The following ZNF589 variants were observed in gnomAD, a reference collection of about 807,000 sequenced individuals.
ZNF589 encodes the protein zinc finger protein 589, also known as KRAB-zinc finger protein SZF1-1.
In ZNF589, 17 loss-of-function variants were observed where a neutral mutation model predicts 13.6. The observed-to-expected ratio is 1.25, with a 90% CI of 0.86 to 1.88. The LOEUF (loss-of-function observed/expected upper bound fraction) is 1.88. Ranked by LOEUF, ZNF589 falls within the 40% of genes most tolerant of loss-of-function variation. ZNF589 has a pLI of 0.00. For missense variants in ZNF589, 407 were observed against 434.0 expected (o/e 0.94, Z 0.55); for synonymous variants, 148 against 161.6 (o/e 0.92, Z 0.64).
intron 3 of ZNF589, among the ~76,000 whole-genome samples, chr3:48,261,785 C>G (rs1262026942): frequency 1.3e-5 from 2 of 152,186 alleles, no homozygotes; most frequent in African/African-American, 4.8e-5. Context: ...CTATTTTGCA[C>G]TGCTTTAATC....
At chr3:48,244,453 A>C (rs1265941437) in intron 1 of ZNF589, among the ~76,000 whole-genome samples, 1 of 152,134 alleles carries the variant, frequency 6.6e-6, no homozygotes, top group South Asian at 2.1e-4. Context: ...TTAATTTTAA[A>C]ATGCTGCTCC....
chr3:48,265,955 A>G (rs909467106), intron 3 of ZNF589, among the ~76,000 whole-genome samples: 1 of 152,190 alleles, frequency 6.6e-6, no homozygotes, highest in Non-Finnish European at 1.5e-5. Flanking sequence ...CATAAAGACC[A>G]AATGTAATGC....
intron 2 of ZNF589, among the ~76,000 whole-genome samples, chr3:48,251,196 G>A (rs1159099572): frequency 2.0e-5 from 3 of 152,150 alleles, no homozygotes; most frequent in Non-Finnish European, 2.9e-5. Context: ...TTTTCATTGA[G>A]GCAGAGTGGA....
chr3:48,268,264 A>T lies in ZNF589; in HGVS notation c.573A>T (p.Pro191=), dbSNP rs558895789. The T allele has an allele frequency of 4.0e-5, 65 of 1,610,262 alleles. No individual in the cohort carries two copies. The highest frequency in any genetic ancestry group is 5.3e-5 in the Non-Finnish European group (63 of 1,177,836). ...GNRILEIQLS[P]AQNASSEEVD... ...GAATATTAGAGATACAGCTCAGTCC[A>T]GCCCAGAATGCAAGCTCTGAGGAAG... The change falls in exon 4 of 4, where the codon CCA becomes CCT. Residue 191 remains proline (P), a synonymous_variant. Transcript: ENST00000354698.
At position 48,250,517 on chromosome 3, in the gene ZNF589, G is replaced by A. The variant is rs145892377; in HGVS notation, c.96+2840G>A. ...GACAGAATCTCCCTCTGTTGCCCAC[G>A]CTGGAGTACAGTGATACGATCTTGG... On this transcript the variant is annotated intron_variant, in intron 2 of 3. Transcript: ENST00000354698. Among the ~76,000 whole-genome samples the A allele has an allele frequency of 6.6e-5, 10 of 150,862 alleles. 1 individual carries two copies. The highest frequency in any genetic ancestry group is 4.6e-4 in the Admixed American group (7 of 15,158).
Position 48,270,523 on chromosome 3 carries a change from C to T in ZNF589, c.*1737C>T, listed in dbSNP as rs2034078845. On this transcript the variant is annotated 3_prime_UTR_variant, in exon 4 of 4. Transcript: ENST00000354698. ...TAGCCATTTGTCTCTCCTCACACTC[C>T]AGGGCCCATATGGCCCAGGTTCTGA... 10 of 344,678 alleles carry T rather than the reference C, an allele frequency of 2.9e-5. No homozygotes were observed. Among genetic ancestry groups the T allele is most frequent in the South Asian group, 2.3e-4 (10 of 42,874 alleles). The allele number at this position is 344,678 out of a possible 1,614,324, so 21.4% of individuals were successfully genotyped here. A position where few individuals can be genotyped will look rare whatever the true frequency, so the allele number is the denominator to read the frequency against.
chr3:48,241,395 TCTCCAC>T (rs141578968), intron 1 of ZNF589, among the ~76,000 whole-genome samples, 181 bp downstream of exon 1: 8,865 of 152,234 alleles, frequency 0.058, 346 homozygotes, highest in East Asian at 0.13. Flanking sequence ...TCCCGTACAG[TCTCCAC>T]GGTGCTCACT....
intron 1 of ZNF589, among the ~76,000 whole-genome samples, 171 bp from the exon 2 acceptor site, chr3:48,247,454 C>T (rs1352915329): frequency 6.6e-6 from 1 of 151,842 alleles, no homozygotes; most frequent in Non-Finnish European, 1.5e-5. Context: ...GGAAGTGGTG[C>T]AGAGCATAGA....
At chr3:48,266,714 C>G (rs553051722) in intron 3 of ZNF589, among the ~76,000 whole-genome samples, 1 of 152,298 alleles carries the variant, frequency 6.6e-6, no homozygotes, top group East Asian at 1.9e-4. Flanking sequence ...ACACTGCACT[C>G]CATTTTTACT....
chr3:48,246,012 C>T (rs1373612261), intron 1 of ZNF589, among the ~76,000 whole-genome samples: 1 of 151,756 alleles, frequency 6.6e-6, no homozygotes, highest in East Asian at 1.9e-4. Flanking sequence ...AAAATCTTAC[C>T]TTTTAAAATT....
At chr3:48,251,935 A>T (rs191703663) in intron 2 of ZNF589, among the ~76,000 whole-genome samples, 42 of 151,992 alleles carry the variant, frequency 2.8e-4, no homozygotes, top group East Asian at 2.3e-3. Flanking sequence ...GCTATGTGGG[A>T]GGCTGAGGTA....
chr3:48,270,709 C>G lies in ZNF589; in HGVS notation c.*1923C>G, dbSNP rs1003823266. ...GAGATGTTCATGTAACCTCAAAATA[C>G]TTAGGCTTGGTTTTGATGCTAGAGA... is the stretch of plus-strand genomic sequence containing the variant. On this transcript the variant is annotated 3_prime_UTR_variant, in exon 4 of 4. Coordinates refer to ENST00000354698, the MANE Select transcript of ZNF589 (RefSeq NM_016089.3). 2.3e-5 allele frequency: 4 copies of G among 172,750 alleles called. No homozygotes were observed. The highest frequency in any genetic ancestry group is 2.2e-4 in the Admixed American group (4 of 17,934). The allele number at this position is 172,750 out of a possible 1,614,324, so 10.7% of individuals were successfully genotyped here.
chr3:48,269,965 A>G lies in ZNF589; in HGVS notation c.*1179A>G. On this transcript the variant is annotated 3_prime_UTR_variant, in exon 4 of 4. Transcript: ENST00000354698. ...CTCTTGTTCTAAGAGCTTTGGGGAC[A>G]GTCTTTTGACCCCTTACATTCCTTT... 2.2e-6 allele frequency: 1 copy of G among 449,560 alleles called. No homozygotes were observed. Among genetic ancestry groups the G allele is most frequent in the South Asian group, 1.6e-5 (1 of 63,770 alleles). The allele number at this position is 449,560 out of a possible 1,614,324, so 27.8% of individuals were successfully genotyped here.
At chr3:48,251,754 A>G (rs1287950334) in intron 2 of ZNF589, among the ~76,000 whole-genome samples, 1 of 151,942 alleles carries the variant, frequency 6.6e-6, no homozygotes, top group Non-Finnish European at 1.5e-5. Context: ...TTAAAAATCA[A>G]TTGTGGGGCC....
intron 1 of ZNF589, among the ~76,000 whole-genome samples, chr3:48,246,349 A>G (rs1207712699): frequency 6.6e-6 from 1 of 152,236 alleles, no homozygotes; most frequent in East Asian, 1.9e-4. Context: ...TTGAAGAGGA[A>G]TGAGAGTCTG....
At chr3:48,251,812 G>A (rs1414883755) in intron 2 of ZNF589, among the ~76,000 whole-genome samples, 2 of 151,940 alleles carry the variant, frequency 1.3e-5, no homozygotes, top group African/African-American at 4.8e-5. Context: ...GGAGGTCAAG[G>A]CAGGTGGATC....
chr3:48,252,279 C>T (rs978798076), intron 2 of ZNF589, among the ~76,000 whole-genome samples: 6 of 151,866 alleles, frequency 4.0e-5, no homozygotes, highest in African/African-American at 1.5e-4. Context: ...GCAACCTCCA[C>T]CTCCTGGGTT....
In ZNF589 at chr3:48,269,861, A is replaced by G; in HGVS notation, c.*1075A>G. 2.7e-6 allele frequency: 1 copy of G among 365,696 alleles called. No individual in the cohort carries two copies. The highest frequency in any genetic ancestry group is 7.2e-5 in the East Asian group (1 of 13,800). 22.7% of individuals were successfully genotyped at this position (365,696 alleles called of 1,614,324 possible). The stretch of plus-strand genomic sequence containing the variant: ...ACACACTCGGGAGAAACCTTCATGG[A>G]GTGAGAGTAAGGTGTTGGCTGGAAG... On this transcript the variant is annotated 3_prime_UTR_variant, in exon 4 of 4. Coordinates refer to ENST00000354698, the MANE Select transcript of ZNF589 (RefSeq NM_016089.3).
intron 3 of ZNF589, 135 bp from the exon 4 acceptor site, chr3:48,267,780 T>C (rs73072383): frequency 0.044 from 34,135 of 783,230 alleles, 901 homozygotes; most frequent in Non-Finnish European, 0.051. Context: ...AATGAAAATA[T>C]AGGTCCTGCA....
Sources: gnomAD v4.1 joint callset for allele counts (sites outside exome capture counted in the v4.1 genomes callset) on GRCh38, gnomAD v4.1.1 for gene constraint, MANE v1.5 for transcripts, NCBI Gene and HGNC (gene_info 2026-07-23, HGNC 2026-07-21) for gene names.